The following PRKG1 variants were observed in gnomAD, a reference collection of about 807,000 sequenced individuals.
PRKG1 encodes the protein cGMP-dependent protein kinase 1.
A neutral mutation model predicts 88.1 loss-of-function variants in PRKG1; 35 were observed. The observed-to-expected ratio is 0.40, with a 90% CI of 0.30 to 0.53. The LOEUF (loss-of-function observed/expected upper bound fraction) is 0.53, where lower values mean the gene tolerates loss of function less well. PRKG1 is among the 20% of genes least tolerant of loss of function. PRKG1 has a pLI of 0.59. For missense variants in PRKG1, 540 were observed against 839.8 expected, an observed-to-expected ratio of 0.64 and a Z score of 4.41; for synonymous variants, 303 against 292.5, an observed-to-expected ratio of 1.04 and a Z score of -0.37.
At position 50,991,058 on chromosome 10, in the gene PRKG1, G is replaced by C. The variant is rs2132704624; in HGVS notation, c.-321G>C. 3.9e-6 allele frequency: 1 copy of C among 257,256 alleles called. No individual in the cohort carries two copies. Among genetic ancestry groups the C allele is most frequent in the Admixed American group, 5.6e-5 (1 of 17,932 alleles). The allele number at this position is 257,256 out of a possible 1,614,324, so 15.9% of individuals were successfully genotyped here. On this transcript the variant is annotated 5_prime_UTR_variant, in exon 1 of 18. Coordinates refer to the PRKG1 transcript ENST00000401604. The surrounding 1 kb of genome is among the most constrained non-coding windows in gnomAD (Gnocchi z 4.5). ...GAGGGAGGGGGTCTCAGGGGAGGAA[G>C]GGCAGCTCTAATTGGTTTCTCAATG...
intron 4 of PRKG1, among the ~76,000 whole-genome samples, chr10:51,811,728 G>A (rs1476208320): frequency 6.6e-6 from 1 of 152,124 alleles, no homozygotes; most frequent in African/African-American, 2.4e-5. Context: ...TAGTGTTTTT[G>A]CCTTTCCTAT....
chr10:51,435,596 C>T (rs1838904874), intron 2 of PRKG1, among the ~76,000 whole-genome samples: 1 of 151,892 alleles, frequency 6.6e-6, no homozygotes, highest in African/African-American at 2.4e-5. Flanking sequence ...GAAATGTCTA[C>T]CTTTCTTGGA....
At chr10:51,413,455 G>T (rs1838156307) in intron 2 of PRKG1, among the ~76,000 whole-genome samples, 2 of 152,026 alleles carry the variant, frequency 1.3e-5, no homozygotes. Context: ...GCTTCCCGGG[G>T]TTCAAGTCAT....
At chr10:51,482,654 C>T (rs1333637112) in intron 3 of PRKG1, among the ~76,000 whole-genome samples, 3 of 152,122 alleles carry the variant, frequency 2.0e-5, no homozygotes. Context: ...ACCTTCACTC[C>T]CCAAGCTGTG....
At chr10:51,373,631 C>A (rs1827169279) in intron 2 of PRKG1, among the ~76,000 whole-genome samples, 1 of 151,962 alleles carries the variant, frequency 6.6e-6, no homozygotes, top group South Asian at 2.1e-4. Context: ...ATGTGTTGTT[C>A]CCTTAATCAA....
chr10:51,352,127 T>C (rs969937141), intron 2 of PRKG1, among the ~76,000 whole-genome samples: 6 of 152,210 alleles, frequency 3.9e-5, no homozygotes, highest in African/African-American at 1.2e-4. Flanking sequence ...ACCAGTACCA[T>C]GCTGTTTTGA....
intron 1 of PRKG1, among the ~76,000 whole-genome samples, chr10:51,030,195 A>G (rs1349114763): frequency 6.6e-6 from 1 of 151,704 alleles, no homozygotes; most frequent in East Asian, 1.9e-4. Flanking sequence ...CAATGACTAT[A>G]TTTACTGTTT....
intron 9 of PRKG1, among the ~76,000 whole-genome samples, chr10:52,238,272 T>A (rs1285940998): frequency 4.5e-5 from 6 of 132,710 alleles, no homozygotes; most frequent in Non-Finnish European, 6.3e-5. Context: ...AAGGACTTCA[T>A]GTCTAAAACA....
chr10:51,191,281 G>A (rs1391014486), intron 2 of PRKG1, among the ~76,000 whole-genome samples: 2 of 151,782 alleles, frequency 1.3e-5, no homozygotes, highest in African/African-American at 2.4e-5. Flanking sequence ...CCATAGTGGA[G>A]CTAAGATTGC....
At chr10:51,798,515 T>G (rs1399014908) in intron 3 of PRKG1, among the ~76,000 whole-genome samples, 1 of 152,022 alleles carries the variant, frequency 6.6e-6, no homozygotes, top group East Asian at 1.9e-4. Flanking sequence ...TGGCTGATAC[T>G]TCATAATATT....
chr10:52,079,538 A>G (rs1278839641), intron 7 of PRKG1, among the ~76,000 whole-genome samples: 4 of 152,132 alleles, frequency 2.6e-5, no homozygotes, highest in Non-Finnish European at 5.9e-5. Flanking sequence ...AGGCCAGGGA[A>G]AGTTCTTTCC....
intron 10 of PRKG1, 89 bp from the exon 11 acceptor site, chr10:52,271,261 A>C: frequency 7.3e-7 from 1 of 1,369,566 alleles, no homozygotes; most frequent in Non-Finnish European, 1.0e-6. Flanking sequence ...GGTTCATTTA[A>C]GTGCGCCATG....
rs558493091 is a variant in PRKG1 at position 51,523,952 on chromosome 10, C to T, written c.592+56116C>T. On this transcript the variant is annotated intron_variant, in intron 3 of 17. Coordinates refer to ENST00000373980, the MANE Select transcript of PRKG1 (RefSeq NM_006258.4). Reference sequence around the variant, plus strand: ...CCCCAAAGCTGGAGATGGGGCCTGGCGGGTGATTGCATTATGGGGGTGCAT... The same window carrying T: ...CCCCAAAGCTGGAGATGGGGCCTGGTGGGTGATTGCATTATGGGGGTGCAT... Among the ~76,000 whole-genome samples, 7 of 152,174 alleles carry T rather than the reference C, an allele frequency of 4.6e-5. No homozygotes were observed. The South Asian group carries it at 8.3e-4, about 18-fold the overall frequency.
intron 10 of PRKG1, among the ~76,000 whole-genome samples, chr10:52,259,449 T>A (rs374058595): frequency 2.0e-4 from 30 of 152,126 alleles, no homozygotes; most frequent in African/African-American, 6.8e-4. Context: ...AATGAAATAA[T>A]TTATCTTGCT....
intron 2 of PRKG1, among the ~76,000 whole-genome samples, chr10:51,318,409 A>G (rs952896907): frequency 5.3e-5 from 8 of 152,206 alleles, no homozygotes; most frequent in Admixed American, 3.9e-4. Context: ...CATGGTGTCA[A>G]ATTGTTGACA....
At chr10:51,945,587 C>A (rs576169486) in intron 5 of PRKG1, among the ~76,000 whole-genome samples, 4 of 151,882 alleles carry the variant, frequency 2.6e-5, no homozygotes, top group African/African-American at 7.3e-5. Flanking sequence ...TTTGCAGTGG[C>A]TGGTATGGGT....
At chr10:51,642,593 A>T (rs915673613) in intron 3 of PRKG1, among the ~76,000 whole-genome samples, 1 of 152,146 alleles carries the variant, frequency 6.6e-6, no homozygotes, top group African/African-American at 2.4e-5. Flanking sequence ...GTTGATTTTT[A>T]TATACAGTCT....
At chr10:51,353,941 A>C (rs1003767275) in intron 2 of PRKG1, among the ~76,000 whole-genome samples, 1 of 152,150 alleles carries the variant, frequency 6.6e-6, no homozygotes, top group African/African-American at 2.4e-5. Flanking sequence ...TCTAATGGAT[A>C]TAAATATCCA....
chr10:52,289,027 G>A (rs1356234780), intron 16 of PRKG1, 34 bp downstream of exon 16: 1 of 1,559,826 alleles, frequency 6.4e-7, no homozygotes, highest in Non-Finnish European at 8.8e-7. Flanking sequence ...CTGAACACGT[G>A]ACATCATTTC....
Sources: allele counts gnomAD v4.1 joint callset (sites outside exome capture counted in the v4.1 genomes callset), GRCh38; gene constraint gnomAD v4.1.1; non-coding constraint Gnocchi (gnomAD v3.1); transcripts MANE v1.5; gene names NCBI Gene and HGNC (gene_info 2026-07-23, HGNC 2026-07-21).